Variants in CNTNAP2 observed in about 807,000 individuals in gnomAD.
CNTNAP2 encodes contactin-associated protein-like 2.
Under a neutral mutation model 155.2 loss-of-function variants are expected in CNTNAP2, and 98 were observed. The ratio of observed to expected loss-of-function variants is 0.63; its 90% CI spans 0.54 to 0.75. The LOEUF is 0.75. Among genes scored for constraint, CNTNAP2 ranks in the 30% least tolerant of loss-of-function variants. The probability of loss-of-function intolerance (pLI) is 0.00; values close to 1 mark genes in which losing one functional copy is unlikely to be tolerated. For missense variants in CNTNAP2, 1,727 were observed against 1,688.1 expected, an observed-to-expected ratio of 1.02 and a Z score of -0.40; for synonymous variants, 651 against 631.2, an observed-to-expected ratio of 1.03 and a Z score of -0.47.
At chr7:148,086,261 T>C (rs1803727941) in intron 15 of CNTNAP2, among the ~76,000 whole-genome samples, 1 of 152,220 alleles carries the variant, frequency 6.6e-6, no homozygotes, top group Admixed American at 6.5e-5. Context: ...CTTTGCACTT[T>C]CTTTAATGCC....
intron 1 of CNTNAP2, among the ~76,000 whole-genome samples, chr7:146,119,374 C>T (rs1440764825): frequency 2.0e-5 from 3 of 152,070 alleles, no homozygotes; most frequent in Non-Finnish European, 4.4e-5. Context: ...TCTCTGTCGA[C>T]AGACATATAA....
chr7:147,553,349 G>A (rs1272886625), intron 11 of CNTNAP2, among the ~76,000 whole-genome samples: 1 of 152,114 alleles, frequency 6.6e-6, no homozygotes, highest in Admixed American at 6.5e-5. Flanking sequence ...GGAATCACAT[G>A]GTTCTGGGGA....
At chr7:148,389,939 G>C (rs955883638) in intron 22 of CNTNAP2, 1 of 152,142 alleles carries the variant, frequency 6.6e-6, no homozygotes, top group Non-Finnish European at 1.5e-5. Flanking sequence ...CCCTCGGGGG[G>C]ATAGGAGGGA....
chr7:147,579,539 A>T (rs1800458857), intron 12 of CNTNAP2, among the ~76,000 whole-genome samples: 1 of 152,194 alleles, frequency 6.6e-6, no homozygotes, highest in Non-Finnish European at 1.5e-5. Flanking sequence ...TTAATATGCC[A>T]TTTATAGCCA....
intron 23 of CNTNAP2, 76 bp from the exon 24 acceptor site, chr7:148,415,341 T>C (rs370706397): frequency 1.4e-6 from 2 of 1,452,932 alleles, no homozygotes; most frequent in African/African-American, 1.4e-5. Context: ...CTGACGGAGC[T>C]GTAGTGAAGT....
intron 1 of CNTNAP2, among the ~76,000 whole-genome samples, chr7:146,225,313 T>C (rs924495782): frequency 5.3e-5 from 8 of 151,916 alleles, no homozygotes; most frequent in African/African-American, 1.9e-4. Context: ...ACAAAGTACA[T>C]AGAGAAAAAT....
chr7:147,792,512 G>C (rs1584957530), intron 13 of CNTNAP2, among the ~76,000 whole-genome samples: 1 of 151,538 alleles, frequency 6.6e-6, no homozygotes, highest in Non-Finnish European at 1.5e-5. Flanking sequence ...GTGTGTGTGT[G>C]TGTATATATA....
intron 1 of CNTNAP2, among the ~76,000 whole-genome samples, chr7:146,673,214 T>G (rs1800339496): frequency 6.6e-6 from 1 of 152,204 alleles, no homozygotes. Flanking sequence ...TGAATTCTTC[T>G]GGTTTGTGTT....
At chr7:146,261,550 A>G (rs1225311208) in intron 1 of CNTNAP2, among the ~76,000 whole-genome samples, 2 of 151,980 alleles carry the variant, frequency 1.3e-5, no homozygotes, top group Non-Finnish European at 2.9e-5. Flanking sequence ...CCTATTACCT[A>G]TATGCAGTAA....
rs142721884 is a variant in CNTNAP2, at chr7:146,645,725, G to A, written c.98-128546G>A. On this transcript the variant is annotated intron_variant, in intron 1 of 23. Coordinates refer to ENST00000361727, the MANE Select transcript of CNTNAP2 (RefSeq NM_014141.6). ...TTTTAGTGTATCCACAGAGTTATAT[G>A]TTCTTAAGTCAGATCTGTGGAGTCA... Among the ~76,000 whole-genome samples the A allele has an allele frequency of 9.0e-4, 137 of 152,148 alleles. 2 individuals carry two copies. The highest frequency in any genetic ancestry group is 3.3e-3 in the African/African-American group (135 of 41,526).
At chr7:146,900,157 G>T (rs1795964452) in intron 3 of CNTNAP2, among the ~76,000 whole-genome samples, 1 of 152,144 alleles carries the variant, frequency 6.6e-6, no homozygotes, top group East Asian at 1.9e-4. Flanking sequence ...AAAACTAAAA[G>T]AGGAGATTTC....
At chr7:147,084,016 T>C (rs1234553145) in intron 4 of CNTNAP2, among the ~76,000 whole-genome samples, 1 of 134,342 alleles carries the variant, frequency 7.4e-6, no homozygotes, top group Non-Finnish European at 1.5e-5. Context: ...CATAATGCTA[T>C]ATATGTATAT....
chr7:146,584,387 G>C (rs1563144728), intron 1 of CNTNAP2, among the ~76,000 whole-genome samples: 1 of 152,172 alleles, frequency 6.6e-6, no homozygotes, highest in African/African-American at 2.4e-5. Flanking sequence ...GGTACCTTTA[G>C]CTGCAAGTAA....
At chr7:147,458,097 A>G (rs1460689761) in intron 10 of CNTNAP2, among the ~76,000 whole-genome samples, 3 of 151,132 alleles carry the variant, frequency 2.0e-5, no homozygotes, top group African/African-American at 4.9e-5. Flanking sequence ...ATAATCAATA[A>G]TAATTGATAT....
intron 1 of CNTNAP2, among the ~76,000 whole-genome samples, chr7:146,608,764 A>G (rs930034994): frequency 1.3e-4 from 20 of 152,054 alleles, no homozygotes; most frequent in African/African-American, 4.8e-4. Flanking sequence ...TTCATTTTAT[A>G]TGTTCTATCT....
At chr7:147,260,159 A>G (rs556604569) in intron 8 of CNTNAP2, among the ~76,000 whole-genome samples, 2 of 152,382 alleles carry the variant, frequency 1.3e-5, no homozygotes, top group East Asian at 3.9e-4. Context: ...AGCCATATCT[A>G]ACAAAAGCTT....
At chr7:146,133,297 T>C (rs1797745363) in intron 1 of CNTNAP2, among the ~76,000 whole-genome samples, 1 of 152,172 alleles carries the variant, frequency 6.6e-6, no homozygotes, top group African/African-American at 2.4e-5. Flanking sequence ...GAGTTCATTG[T>C]AGATTCTCGA....
intron 22 of CNTNAP2, among the ~76,000 whole-genome samples, chr7:148,399,969 G>C (rs895830226): frequency 5.3e-5 from 8 of 152,094 alleles, no homozygotes; most frequent in Non-Finnish European, 1.2e-4. Context: ...AAGCACTCTG[G>C]GAGCCTGTTA....
intron 1 of CNTNAP2, 164 bp downstream of exon 1, chr7:146,117,137 C>T (rs1423628897): frequency 1.6e-6 from 1 of 628,114 alleles, no homozygotes; most frequent in Non-Finnish European, 2.8e-6. Context: ...AACTCGAAAC[C>T]CAGCGTTTCT....
Sources: gnomAD v4.1 joint callset for allele counts (sites outside exome capture counted in the v4.1 genomes callset) on GRCh38, gnomAD v4.1.1 for gene constraint, MANE v1.5 for transcripts, NCBI Gene and HGNC (gene_info 2026-07-23, HGNC 2026-07-21) for gene names.